The following KDM4C variants were observed in gnomAD, a reference collection of about 807,000 sequenced individuals.
KDM4C encodes lysine demethylase 4C.
KDM4C carries 81 observed loss-of-function variants against 129.3 expected under a neutral mutation model. The observed-to-expected ratio is 0.63, with a 90% CI of 0.52 to 0.75. KDM4C has a LOEUF of 0.75. Among genes scored for constraint, KDM4C ranks in the 30% least tolerant of loss-of-function variants. KDM4C has a pLI of 0.00. For synonymous variants in KDM4C, 573 were observed against 456.1 expected, an observed-to-expected ratio of 1.26 and a Z score of -3.26; for missense variants, 1,457 against 1,304.0, an observed-to-expected ratio of 1.12 and a Z score of -1.81.
intron 15 of KDM4C, among the ~76,000 whole-genome samples, chr9:7,035,521 T>C (rs951235076): frequency 2.0e-5 from 3 of 151,970 alleles, no homozygotes; most frequent in African/African-American, 4.8e-5. Context: ...TTGCTTTTGT[T>C]GCCCTTGCTT....
intron 5 of KDM4C, among the ~76,000 whole-genome samples, chr9:6,854,398 G>A (rs1839385301): frequency 6.6e-6 from 1 of 151,862 alleles, no homozygotes; most frequent in African/African-American, 2.4e-5. Context: ...GGTGGTACAT[G>A]CCTGTAATCC....
chr9:6,807,294 C>T (rs1236585581), intron 3 of KDM4C, among the ~76,000 whole-genome samples: 3 of 151,834 alleles, frequency 2.0e-5, no homozygotes, highest in Middle Eastern at 3.4e-3. Flanking sequence ...AGCCTCTGCC[C>T]AGCCGCCAAC....
At chr9:6,902,034 G>A (rs1407970971) in intron 8 of KDM4C, among the ~76,000 whole-genome samples, 2 of 152,154 alleles carry the variant, frequency 1.3e-5, no homozygotes, top group African/African-American at 4.8e-5. Flanking sequence ...TGTGGGTTGA[G>A]AGCCATGGGT....
chr9:6,889,951 T>C (rs1039082926), intron 7 of KDM4C, among the ~76,000 whole-genome samples: 2 of 152,162 alleles, frequency 1.3e-5, no homozygotes, highest in South Asian at 4.1e-4. Flanking sequence ...GCTGGAGGCA[T>C]TGGGCTCTCA....
chr9:6,877,400 C>T (rs1358640127), intron 5 of KDM4C, among the ~76,000 whole-genome samples: 2 of 152,126 alleles, frequency 1.3e-5, no homozygotes, highest in South Asian at 4.1e-4. Flanking sequence ...TGGGGTTTCA[C>T]CTTGTTAGCC....
intron 4 of KDM4C, among the ~76,000 whole-genome samples, chr9:6,838,422 A>G (rs1355517915): frequency 6.6e-6 from 1 of 152,174 alleles, no homozygotes; most frequent in Non-Finnish European, 1.5e-5. Flanking sequence ...TTCTCCCAAG[A>G]GGATTGGAGT....
intron 2 of KDM4C, among the ~76,000 whole-genome samples, chr9:6,796,192 C>G (rs951152109): frequency 6.6e-6 from 1 of 152,188 alleles, no homozygotes; most frequent in Non-Finnish European, 1.5e-5. Context: ...CGCCTGCAAT[C>G]CCAGCACTCT....
chr9:6,853,076 A>G lies in KDM4C; in HGVS notation c.629+3376A>G, dbSNP rs537041466. Among the ~76,000 whole-genome samples the G allele has an allele frequency of 2.0e-5, 3 of 151,974 alleles. 1 individual carries two copies. The South Asian group carries it at 6.2e-4, about 32-fold the overall frequency. ...CCTTTGAATCATCAGCACTTAACAC[A>G]CAGGGCCTGGCTATAGGAGCGATGC... On this transcript the variant is annotated intron_variant, in intron 5 of 21. Transcript: ENST00000381309.
At chr9:7,069,470 C>T (rs1832904126) in intron 17 of KDM4C, among the ~76,000 whole-genome samples, 1 of 152,280 alleles carries the variant, frequency 6.6e-6, no homozygotes, top group South Asian at 2.1e-4. Flanking sequence ...CATGATTGCA[C>T]CACTGCACTC....
chr9:6,949,085 G>A (rs1273932388), intron 8 of KDM4C, among the ~76,000 whole-genome samples: 1 of 143,886 alleles, frequency 6.9e-6, no homozygotes. Context: ...CCCATCTCCC[G>A]GACGGGGCGG....
Position 6,942,282 on chromosome 9 carries a change from AGTGTGTGTGTGT to A in KDM4C, c.922-38614_922-38603del, listed in dbSNP as rs58676459. Among the ~76,000 whole-genome samples, 39 of 142,712 alleles carry A rather than the reference AGTGTGTGTGTGT, an allele frequency of 2.7e-4. 1 individual carries two copies. Among genetic ancestry groups the A allele is most frequent in the East Asian group, 8.5e-4 (4 of 4,730 alleles). 93.6% of individuals were successfully genotyped at this position (142,712 alleles called of 152,430 possible). ...TTCTTTCTCATGTTCTAGCCCTCAAAGTGTGTGTGTGTGTGTGTGTGTGTGTGTGTGTGTGTG... is the reference window on the plus strand; with the variant it reads ...TTCTTTCTCATGTTCTAGCCCTCAAAGTGTGTGTGTGTGTGTGTGTGTGTG... On this transcript the variant is annotated intron_variant, in intron 8 of 21. Transcript: ENST00000381309.
chr9:7,015,837 T>C lies in KDM4C; in HGVS notation c.2183-16T>C. 6.4e-7 allele frequency: 1 copy of C among 1,566,140 alleles called. No homozygotes were observed. Among genetic ancestry groups the C allele is most frequent in the Middle Eastern group, 1.7e-4 (1 of 5,986 alleles). ...GAAAAAGACCTAACGCATGGATACA[T>C]ACTATTATTTTATAGGTTGTTATGG... is the stretch of plus-strand genomic sequence containing the variant. On this transcript the variant is annotated splice_polypyrimidine_tract_variant and intron_variant, in intron 14 of 21. Transcript: ENST00000381309.
At chr9:6,923,919 G>A (rs149905580) in intron 8 of KDM4C, among the ~76,000 whole-genome samples, 37 of 152,270 alleles carry the variant, frequency 2.4e-4, no homozygotes, top group African/African-American at 8.7e-4. Context: ...AGAAGAGACC[G>A]ATGCTTATGG....
At chr9:6,728,636 G>A (rs1306926838) in intron 1 of KDM4C, among the ~76,000 whole-genome samples, 5 of 152,040 alleles carry the variant, frequency 3.3e-5, no homozygotes. Context: ...CACGAGGTCA[G>A]GAGTTCGAGA....
intron 8 of KDM4C, among the ~76,000 whole-genome samples, chr9:6,940,398 C>T (rs1025977540): frequency 2.8e-4 from 43 of 152,156 alleles, no homozygotes; most frequent in African/African-American, 9.9e-4. Context: ...ACAATTATTG[C>T]CCGCTGTTGT....
At chr9:7,064,680 G>T (rs1016529149) in intron 17 of KDM4C, among the ~76,000 whole-genome samples, 3 of 152,206 alleles carry the variant, frequency 2.0e-5, no homozygotes, top group Non-Finnish European at 4.4e-5. Context: ...CTTAATTTGA[G>T]GTCCTTGTAG....
intron 19 of KDM4C, among the ~76,000 whole-genome samples, chr9:7,153,831 C>G (rs1842923768): frequency 6.6e-6 from 1 of 152,120 alleles, no homozygotes; most frequent in East Asian, 1.9e-4. Flanking sequence ...AAAAAGGAGG[C>G]TGTTCAGCTG....
At chr9:6,824,855 A>G (rs1466467432) in intron 4 of KDM4C, among the ~76,000 whole-genome samples, 1 of 152,128 alleles carries the variant, frequency 6.6e-6, no homozygotes, top group African/African-American at 2.4e-5. Flanking sequence ...GCTCAATAGA[A>G]GATTGTGGCC....
intron 7 of KDM4C, among the ~76,000 whole-genome samples, chr9:6,889,414 C>A (rs1162099813): frequency 6.6e-6 from 1 of 152,054 alleles, no homozygotes; most frequent in Non-Finnish European, 1.5e-5. Context: ...TTTACTCGCA[C>A]GTTTTTACCA....
Sources: gnomAD v4.1 joint callset for allele counts (sites outside exome capture counted in the v4.1 genomes callset) on GRCh38, gnomAD v4.1.1 for gene constraint, MANE v1.5 for transcripts, NCBI Gene and HGNC (gene_info 2026-07-23, HGNC 2026-07-21) for gene names.